ASB5: variants seen among roughly 807,000 people sequenced by gnomAD.
The protein encoded by ASB5 is ankyrin repeat and SOCS box containing 5.
In ASB5, 45 loss-of-function variants were observed where a neutral mutation model predicts 42.1. That is an observed-to-expected ratio of 1.07 (90% CI 0.84 to 1.37). The LOEUF (loss-of-function observed/expected upper bound fraction) is 1.37. Ranked by LOEUF, ASB5 falls within the 40% of genes most tolerant of loss-of-function variation. ASB5 has a pLI of 0.00. For synonymous variants in ASB5, 147 were observed against 150.6 expected, an observed-to-expected ratio of 0.98 and a Z score of 0.18; for missense variants, 402 against 399.8, an observed-to-expected ratio of 1.01 and a Z score of -0.05.
chr4:176,230,493 TTTTA>T (rs747615561), intron 1 of ASB5, among the ~76,000 whole-genome samples: 3 of 152,182 alleles, frequency 2.0e-5, no homozygotes, highest in Non-Finnish European at 4.4e-5. Context: ...AAAAGAATCT[TTTTA>T]TTTGTTTTGA....
rs1752929930 is a variant in ASB5 at position 176,215,043 on chromosome 4, A to AGGGGGGGGG, written c.*556_*557insCCCCCCCCC. On this transcript the variant is annotated 3_prime_UTR_variant, in exon 7 of 7. Transcript: ENST00000296525. The stretch of plus-strand genomic sequence containing the variant: ...GTCCTTTGCCAGGGGTAAGTGGGGG[A>AGGGGGGGGG]GAGGGGGGCAATTTATCTTTATGAA... 3 of 146,404 alleles carry AGGGGGGGGG rather than the reference A, an allele frequency of 2.0e-5. No individual in the cohort carries two copies. Among genetic ancestry groups the AGGGGGGGGG allele is most frequent in the African/African-American group, 5.1e-5 (2 of 39,302 alleles). The allele number at this position is 146,404 out of a possible 1,614,324, so 9.1% of individuals were successfully genotyped here.
chr4:176,225,159 A>G, intron 2 of ASB5, 103 bp downstream of exon 2: 1 of 849,304 alleles, frequency 1.2e-6, no homozygotes, highest in Admixed American at 2.4e-5. Context: ...AAAAGGGCAG[A>G]AGTAAAATGT....
At position 176,214,633 on chromosome 4, in the gene ASB5, T is replaced by C. The variant is rs539009604; in HGVS notation, c.*967A>G. 1 of 152,266 alleles carries C rather than the reference T, an allele frequency of 6.6e-6. No individual in the cohort carries two copies. The highest frequency in any genetic ancestry group is 6.5e-5 in the Admixed American group (1 of 15,278). The allele number at this position is 152,266 out of a possible 1,614,324, so 9.4% of individuals were successfully genotyped here. A position where few individuals can be genotyped will look rare whatever the true frequency, so the allele number is the denominator to read the frequency against. ...TATATACATTTTTTAAGGTCTCCAATGTGTTAAGTGGCACCCACTCTTTAA... is the reference window on the plus strand; with the variant it reads ...TATATACATTTTTTAAGGTCTCCAACGTGTTAAGTGGCACCCACTCTTTAA... On this transcript the variant is annotated 3_prime_UTR_variant, in exon 7 of 7. Transcript: ENST00000296525.
At chr4:176,219,599 T>A (rs1320656398) in intron 5 of ASB5, among the ~76,000 whole-genome samples, 3 of 118,042 alleles carry the variant, frequency 2.5e-5, no homozygotes, top group Non-Finnish European at 5.1e-5. Context: ...TATATATATA[T>A]ATATATATAT....
chr4:176,259,041 A>G (rs905872882), intron 1 of ASB5, among the ~76,000 whole-genome samples: 4 of 152,092 alleles, frequency 2.6e-5, no homozygotes, highest in African/African-American at 7.2e-5. Flanking sequence ...CAGAAAACTT[A>G]GCCCCTATAC....
chr4:176,271,990 C>T (rs991140880), upstream of ASB5, among the ~76,000 whole-genome samples: 1 of 152,020 alleles, frequency 6.6e-6, no homozygotes, highest in African/African-American at 2.4e-5. Context: ...ACCCACGACA[C>T]ACACAGAAGA....
chr4:176,238,088 G>A (rs1753729654), intron 1 of ASB5, among the ~76,000 whole-genome samples: 1 of 151,950 alleles, frequency 6.6e-6, no homozygotes, highest in Non-Finnish European at 1.5e-5. Context: ...TGGACATAGG[G>A]ACGGGGCGCC....
At chr4:176,225,476 T>C (rs10013975) in intron 1 of ASB5, 135 bp from the exon 2 acceptor site, 276,905 of 702,008 alleles carry the variant, frequency 0.39, 56,094 homozygotes, top group Non-Finnish European at 0.44. Flanking sequence ...CAGATACTTA[T>C]ACTGTACATT....
At chr4:176,245,515 T>A (rs777800337) in intron 1 of ASB5, among the ~76,000 whole-genome samples, 11 of 152,160 alleles carry the variant, frequency 7.2e-5, no homozygotes, top group African/African-American at 1.2e-4. Context: ...TAGAACTAGA[T>A]ATACCATTTG....
Position 176,251,838 on chromosome 4 carries a change from G to T in ASB5, c.196+17075C>A, listed in dbSNP as rs144005505. Among the ~76,000 whole-genome samples the T allele has an allele frequency of 1.2e-4, 18 of 151,382 alleles. No homozygotes were observed. In the East Asian group the frequency reaches 3.3e-3, roughly 28 times the overall value. On this transcript the variant is annotated intron_variant, in intron 1 of 6. Coordinates refer to ENST00000296525, the MANE Select transcript of ASB5 (RefSeq NM_080874.4). ...TCCCAGCATTAGGCGGAGGCGGGAGGATCACTTAAGCCCAGGAGTTCGAGA... is the reference window on the plus strand; with the variant it reads ...TCCCAGCATTAGGCGGAGGCGGGAGTATCACTTAAGCCCAGGAGTTCGAGA...
intron 1 of ASB5, among the ~76,000 whole-genome samples, chr4:176,231,530 A>T (rs1165010979): frequency 6.6e-6 from 1 of 151,560 alleles, no homozygotes; most frequent in Non-Finnish European, 1.5e-5. Flanking sequence ...ATTGTTATAA[A>T]TGTCTTTGTG....
At position 176,240,273 on chromosome 4, in the gene ASB5, T is replaced by C. The variant is rs150689347; in HGVS notation, c.197-14932A>G. ...AAAAGCATCTAAGATATACCATAGA[T>C]GAATGATGGTCTAACGTTACTACCG... On this transcript the variant is annotated intron_variant, in intron 1 of 6. Transcript: ENST00000296525. Among the ~76,000 whole-genome samples the C allele has an allele frequency of 3.5e-3, 532 of 152,332 alleles. 4 individuals carry two copies. Among genetic ancestry groups the C allele is most frequent in the African/African-American group, 0.012 (502 of 41,576 alleles).
intron 1 of ASB5, among the ~76,000 whole-genome samples, chr4:176,260,796 C>T (rs1754253690): frequency 6.6e-6 from 1 of 152,132 alleles, no homozygotes; most frequent in Non-Finnish European, 1.5e-5. Context: ...CCTTCCTCAG[C>T]CTCCCGAGTA....
At chr4:176,231,970 C>T (rs1054919107) in intron 1 of ASB5, among the ~76,000 whole-genome samples, 1 of 152,146 alleles carries the variant, frequency 6.6e-6, no homozygotes, top group East Asian at 1.9e-4. Context: ...AGTTTAGCCA[C>T]ACCTGCTCTT....
At chr4:176,218,589 T>C (rs1753060319) in intron 5 of ASB5, among the ~76,000 whole-genome samples, 1 of 113,068 alleles carries the variant, frequency 8.8e-6, no homozygotes, top group Non-Finnish European at 1.6e-5. Flanking sequence ...TATATATTTG[T>C]ATGATATATA....
chr4:176,261,618 A>G (rs2126976466), intron 1 of ASB5, among the ~76,000 whole-genome samples: 1 of 152,252 alleles, frequency 6.6e-6, no homozygotes, highest in East Asian at 1.9e-4. Context: ...ACATAACCAA[A>G]TATGTTCTGC....
chr4:176,265,588 C>G (rs932557460), intron 1 of ASB5, among the ~76,000 whole-genome samples: 1 of 152,138 alleles, frequency 6.6e-6, no homozygotes, highest in Non-Finnish European at 1.5e-5. Context: ...GAGTCTAAGA[C>G]AGAACTTAAA....
chr4:176,233,388 A>C (rs1459914739), intron 1 of ASB5, among the ~76,000 whole-genome samples: 1 of 152,172 alleles, frequency 6.6e-6, no homozygotes, highest in Non-Finnish European at 1.5e-5. Flanking sequence ...TCAGCGCCAC[A>C]TGTTAAAATT....
chr4:176,256,278 T>C (rs1467767535), intron 1 of ASB5, among the ~76,000 whole-genome samples: 1 of 152,242 alleles, frequency 6.6e-6, no homozygotes, highest in Admixed American at 6.5e-5. Context: ...CCACTGTTTT[T>C]ATTATAATTT....
Sources: allele counts gnomAD v4.1 joint callset (sites outside exome capture counted in the v4.1 genomes callset), GRCh38; gene constraint gnomAD v4.1.1; transcripts MANE v1.5; gene names NCBI Gene and HGNC (gene_info 2026-07-23, HGNC 2026-07-21).